The following CHCHD6 variants were observed in gnomAD, a reference collection of about 807,000 sequenced individuals.
The protein encoded by CHCHD6 is coiled-coil-helix-coiled-coil-helix domain containing 6.
A neutral mutation model predicts 32.3 loss-of-function variants in CHCHD6; 28 were observed. That is an observed-to-expected ratio of 0.87 (90% CI 0.64 to 1.19). The LOEUF is 1.19. Among genes scored for constraint, CHCHD6 ranks in the 50% most tolerant of loss-of-function variants. The pLI is 0.00. For missense variants in CHCHD6, 333 were observed against 307.0 expected (o/e 1.08, Z -0.63); for synonymous variants, 122 against 117.5 (o/e 1.04, Z -0.25).
At chr3:126,830,644 C>T (rs1009968868) in intron 4 of CHCHD6, among the ~76,000 whole-genome samples, 16 of 152,200 alleles carry the variant, frequency 1.1e-4, no homozygotes, top group African/African-American at 3.6e-4. Context: ...CTTGGGTTTC[C>T]GGTCTCATTG....
intron 5 of CHCHD6, among the ~76,000 whole-genome samples, chr3:126,864,137 T>C (rs1441727624): frequency 4.1e-5 from 4 of 97,626 alleles, no homozygotes; most frequent in Middle Eastern, 0.01. Context: ...TCCTCCACCA[T>C]TACCACCATT....
intron 4 of CHCHD6, among the ~76,000 whole-genome samples, chr3:126,740,096 T>C (rs1576359068): frequency 6.6e-6 from 1 of 152,282 alleles, no homozygotes; most frequent in Non-Finnish European, 1.5e-5. Context: ...TAATATGATA[T>C]GTGAGGGTGG....
At chr3:126,876,267 G>A (rs139081779) in intron 5 of CHCHD6, among the ~76,000 whole-genome samples, 704 of 152,362 alleles carry the variant, frequency 4.6e-3, no homozygotes, top group Non-Finnish European at 7.8e-3. Context: ...ACTGGTGTGG[G>A]TGGTGTTTAG....
At chr3:126,717,768 GGTGTGTGTGTGT>G (rs1553723716) in intron 1 of CHCHD6, among the ~76,000 whole-genome samples, 32 of 142,338 alleles carry the variant, frequency 2.2e-4, no homozygotes, top group African/African-American at 6.8e-4. Context: ...AGTGCTGAGG[GGTGTGTGTGTGT>G]GTGTGTGGCT....
At chr3:126,865,134 TCCA>T (rs1184461158) in intron 5 of CHCHD6, among the ~76,000 whole-genome samples, 29 of 98,950 alleles carry the variant, frequency 2.9e-4, no homozygotes, top group Non-Finnish European at 4.2e-4. Context: ...CTCCTCCTCC[TCCA>T]CCACCACCTC....
At chr3:126,804,799 C>T (rs1939277718) in intron 4 of CHCHD6, among the ~76,000 whole-genome samples, 1 of 152,108 alleles carries the variant, frequency 6.6e-6, no homozygotes, top group African/African-American at 2.4e-5. Flanking sequence ...CAAAAATCCT[C>T]AATAAAATAC....
chr3:126,783,632 A>G (rs1938056325), intron 4 of CHCHD6, among the ~76,000 whole-genome samples: 1 of 152,374 alleles, frequency 6.6e-6, no homozygotes, highest in African/African-American at 2.4e-5. Context: ...ATTTCTATAT[A>G]CTAATAATGA....
chr3:126,809,532 A>G (rs1939565676), intron 4 of CHCHD6, among the ~76,000 whole-genome samples: 1 of 152,190 alleles, frequency 6.6e-6, no homozygotes, highest in Non-Finnish European at 1.5e-5. Flanking sequence ...AACTTTGCTT[A>G]ACTTTAGTTT....
At chr3:126,859,299 G>T (rs978378770) in intron 5 of CHCHD6, among the ~76,000 whole-genome samples, 2 of 152,190 alleles carry the variant, frequency 1.3e-5, no homozygotes, top group African/African-American at 2.4e-5. Flanking sequence ...AGAAACTGGG[G>T]CTTCTGGCTG....
At chr3:126,789,863 C>T (rs1487456064) in intron 4 of CHCHD6, among the ~76,000 whole-genome samples, 2 of 151,110 alleles carry the variant, frequency 1.3e-5, no homozygotes, top group Non-Finnish European at 2.9e-5. Flanking sequence ...TCGATCCTGT[C>T]ATTATGATGT....
intron 4 of CHCHD6, among the ~76,000 whole-genome samples, chr3:126,842,374 T>A (rs1941127693): frequency 6.6e-6 from 1 of 152,216 alleles, no homozygotes; most frequent in South Asian, 2.1e-4. Flanking sequence ...CAAATGCACT[T>A]TAAACATTTG....
chr3:126,850,711 G>A (rs1297635088), intron 4 of CHCHD6, among the ~76,000 whole-genome samples: 2 of 152,194 alleles, frequency 1.3e-5, no homozygotes, highest in Non-Finnish European at 2.9e-5. Flanking sequence ...GACAGGTCCA[G>A]AGCCCTCAGA....
chr3:126,851,649 G>A (rs1941477103), intron 4 of CHCHD6, among the ~76,000 whole-genome samples: 1 of 152,230 alleles, frequency 6.6e-6, no homozygotes, highest in South Asian at 2.1e-4. Context: ...GACCCATGGA[G>A]GGTAGAGGCG....
chr3:126,958,583 C>G (rs2078819213), intron 7 of CHCHD6, among the ~76,000 whole-genome samples: 1 of 152,232 alleles, frequency 6.6e-6, no homozygotes, highest in African/African-American at 2.4e-5. Context: ...CCTGCTCACA[C>G]CCATCTGCCA....
At chr3:126,806,438 C>T (rs1042082125) in intron 4 of CHCHD6, among the ~76,000 whole-genome samples, 2 of 151,930 alleles carry the variant, frequency 1.3e-5, no homozygotes, top group African/African-American at 4.8e-5. Context: ...CCAAAAGACA[C>T]ATGAAAAAAT....
intron 7 of CHCHD6, among the ~76,000 whole-genome samples, chr3:126,959,854 ACT>A (rs2078834945): frequency 6.6e-6 from 1 of 151,772 alleles, no homozygotes; most frequent in Non-Finnish European, 1.5e-5. Flanking sequence ...GTTGGGTTAG[ACT>A]CTTCTATATC....
At chr3:126,924,196 T>C (rs1037788084) in intron 6 of CHCHD6, among the ~76,000 whole-genome samples, 1 of 152,226 alleles carries the variant, frequency 6.6e-6, no homozygotes, top group Non-Finnish European at 1.5e-5. Flanking sequence ...ATTTGTAGTT[T>C]ACAGTGCATG....
chr3:126,883,598 G>C (rs1002767740), intron 5 of CHCHD6, among the ~76,000 whole-genome samples: 1 of 152,212 alleles, frequency 6.6e-6, no homozygotes, highest in Non-Finnish European at 1.5e-5. Context: ...TGTGGGAACA[G>C]ACCATCTTCT....
At chr3:126,764,067 A>G (rs1188204597) in intron 4 of CHCHD6, among the ~76,000 whole-genome samples, 1 of 151,750 alleles carries the variant, frequency 6.6e-6, no homozygotes, top group Non-Finnish European at 1.5e-5. Flanking sequence ...TTATATTTTT[A>G]TACATTGTGT....
Sources: allele counts gnomAD v4.1 joint callset (sites outside exome capture counted in the v4.1 genomes callset), GRCh38; gene constraint gnomAD v4.1.1; transcripts MANE v1.5; gene names NCBI Gene and HGNC (gene_info 2026-07-23, HGNC 2026-07-21).